Variants in NFAT5 observed in about 807,000 individuals in gnomAD.
The protein encoded by NFAT5 is nuclear factor of activated T cells 5, also known as nuclear factor of activated T-cells 5.
In NFAT5, 31 loss-of-function variants were observed where a neutral mutation model predicts 166.5. The ratio of observed to expected loss-of-function variants is 0.19; its 90% CI spans 0.14 to 0.25. The LOEUF is 0.25. Ranked by LOEUF, NFAT5 falls within the 10% of genes least tolerant of loss-of-function variation. The pLI, the probability that NFAT5 is intolerant of heterozygous loss-of-function variation, is 1.00. For synonymous variants in NFAT5, 612 were observed against 639.7 expected (o/e 0.96, Z 0.65); for missense variants, 1,449 against 1,821.8 (o/e 0.80, Z 3.72).
chr16:69,568,342 A>ATGTGTG (rs1490882720), intron 1 of NFAT5, among the ~76,000 whole-genome samples, 153 bp from the exon 2 acceptor site: 485 of 47,886 alleles, frequency 0.01, 5 homozygotes, highest in Middle Eastern at 0.039. Flanking sequence ...GTGTATATAT[A>ATGTGTG]TATATGTGTG....
intron 11 of NFAT5, 149 bp from the exon 12 acceptor site, chr16:69,690,791 A>G (rs1041619134): frequency 1.7e-5 from 9 of 533,932 alleles, no homozygotes; most frequent in Non-Finnish European, 2.1e-5. Flanking sequence ...GGGAAGATAT[A>G]TCTTAATATA....
intron 2 of NFAT5, among the ~76,000 whole-genome samples, chr16:69,625,065 A>T (rs925802440): frequency 6.6e-6 from 1 of 151,854 alleles, no homozygotes; most frequent in Non-Finnish European, 1.5e-5. Flanking sequence ...ATGCCCAGCT[A>T]ATTTTTTGTA....
In NFAT5 at chr16:69,647,493, T is replaced by C; in HGVS notation, c.719T>C (p.Met240Thr). 5 of 1,611,990 alleles carry C rather than the reference T, an allele frequency of 3.1e-6. No homozygotes were observed. Among genetic ancestry groups the C allele is most frequent in the Non-Finnish European group, 4.2e-6 (5 of 1,180,004 alleles). Residue 240 changes from methionine (M) to threonine (T), a missense_variant, in exon 4 of 15, where the codon ATG (methionine) becomes ACG (threonine). Around this residue, in one of 7 missense-constraint regions of NFAT5, gnomAD observed 115 missense variants for 177.1 expected, o/e 0.65. Transcript: ENST00000349945. The surrounding 1 kb of genome is among the most constrained non-coding windows in gnomAD (Gnocchi z 4.8). ...CGACGAGATTGTGAAGAATCTAATA[T>C]GGATATATTTGATGCCGACAGTGCC... is the stretch of plus-strand genomic sequence containing the variant. ...VKRRDCEESN[M>T]DIFDADSAKA...
At position 69,689,040 on chromosome 16, in the gene NFAT5, T is replaced by C. The variant is rs547550215; in HGVS notation, c.1775-1900T>C. Among the ~76,000 whole-genome samples the C allele has an allele frequency of 2.0e-5, 3 of 152,266 alleles. No homozygotes were observed. The South Asian group carries it at 6.2e-4, about 32-fold the overall frequency. Reference sequence around the variant, plus strand: ...TATAATCCCAGCACTTTGGGCAGCCTAGTAGGGAGGATCACTTGAGCTCAG... The same window carrying C: ...TATAATCCCAGCACTTTGGGCAGCCCAGTAGGGAGGATCACTTGAGCTCAG... On this transcript the variant is annotated intron_variant, in intron 11 of 14. Coordinates refer to ENST00000349945, the MANE Select transcript of NFAT5 (RefSeq NM_138713.4).
intron 2 of NFAT5, among the ~76,000 whole-genome samples, chr16:69,584,119 G>A (rs953459084): frequency 4.6e-5 from 7 of 152,048 alleles, no homozygotes; most frequent in South Asian, 2.1e-4. Context: ...CCAGCTACTC[G>A]GGAGGTTGAG....
At chr16:69,588,980 CTTTTTTTTTT>C (rs945918292) in intron 2 of NFAT5, among the ~76,000 whole-genome samples, 1,761 of 34,340 alleles carry the variant, frequency 0.051, 33 homozygotes, top group African/African-American at 0.14. Context: ...TTTCCTACTT[CTTTTTTTTTT>C]TTTTTTTTTT....
At chr16:69,679,684 A>G (rs1015455303) in intron 10 of NFAT5, among the ~76,000 whole-genome samples, 1 of 152,224 alleles carries the variant, frequency 6.6e-6, no homozygotes, top group Non-Finnish European at 1.5e-5. Flanking sequence ...CATTGGACCA[A>G]AAAGGCAAAG....
intron 7 of NFAT5, among the ~76,000 whole-genome samples, chr16:69,660,214 A>G (rs2036062586): frequency 6.6e-6 from 1 of 152,196 alleles, no homozygotes; most frequent in African/African-American, 2.4e-5. Context: ...TCAGCCCAGG[A>G]GTTTAAGACC....
At chr16:69,581,671 A>G (rs2031701502) in intron 2 of NFAT5, among the ~76,000 whole-genome samples, 2 of 152,188 alleles carry the variant, frequency 1.3e-5, no homozygotes, top group African/African-American at 4.8e-5. Flanking sequence ...GATTTTGAGT[A>G]AATGTCTCTG....
Position 69,641,262 on chromosome 16 carries a change from A to T in NFAT5, c.254-5766A>T, listed in dbSNP as rs535725388. On this transcript the variant is annotated intron_variant, in intron 3 of 14. Transcript: ENST00000349945. ...CACTGCATTCCAGCCTGGGCAACAG[A>T]GTGAGACTCCGTCTCAAAAAAAAAA... Among the ~76,000 whole-genome samples the T allele has an allele frequency of 2.3e-5, 3 of 130,598 alleles. 1 individual carries two copies. The highest frequency in any genetic ancestry group is 8.7e-5 in the African/African-American group (3 of 34,600). 85.7% of individuals were successfully genotyped at this position (130,598 alleles called of 152,430 possible). A position where few individuals can be genotyped will look rare whatever the true frequency, so the allele number is the denominator to read the frequency against.
At chr16:69,633,402 C>T (rs978609825) in intron 3 of NFAT5, among the ~76,000 whole-genome samples, 2 of 152,054 alleles carry the variant, frequency 1.3e-5, no homozygotes, top group Non-Finnish European at 2.9e-5. Flanking sequence ...ATATCACCAA[C>T]AAGATTGAAA....
rs576182612 is a variant in NFAT5 at position 69,624,458 on chromosome 16, C to T, written c.128-1945C>T. Among the ~76,000 whole-genome samples, 10 of 152,272 alleles carry T rather than the reference C, an allele frequency of 6.6e-5. No individual in the cohort carries two copies. The South Asian group carries it at 1.0e-3, about 16-fold the overall frequency. ...CTGACCTCAAGTGATCCTCCCGCCT[C>T]GGCCTCCCAGTGTTGGGATTACAGG... On this transcript the variant is annotated intron_variant, in intron 2 of 14. Transcript: ENST00000349945.
intron 2 of NFAT5, among the ~76,000 whole-genome samples, chr16:69,599,133 A>C (rs777606284): frequency 6.6e-6 from 1 of 152,102 alleles, no homozygotes; most frequent in Non-Finnish European, 1.5e-5. Flanking sequence ...ATGACTGCTA[A>C]TGGGGATGGC....
chr16:69,652,152 A>C (rs543222543), intron 4 of NFAT5, among the ~76,000 whole-genome samples: 1 of 152,300 alleles, frequency 6.6e-6, no homozygotes, highest in South Asian at 2.1e-4. Context: ...GTTAAAAAGC[A>C]TAACTAAAAA....
rs2037893254 is a variant in NFAT5 at position 69,701,227 on chromosome 16, G to A, written c.*4876G>A. On this transcript the variant is annotated 3_prime_UTR_variant, in exon 15 of 15. Coordinates refer to ENST00000349945, the MANE Select transcript of NFAT5 (RefSeq NM_138713.4). ...GGCGTCCCAAAGTGCTAGGATTACA[G>A]GCATGAGCCACCACATCCGGCCTAA... The A allele has an allele frequency of 6.6e-6, 1 of 152,214 alleles. No individual in the cohort carries two copies. The highest frequency in any genetic ancestry group is 2.1e-4 in the South Asian group (1 of 4,812). The allele number at this position is 152,214 out of a possible 1,614,324, so 9.4% of individuals were successfully genotyped here.
At chr16:69,631,142 A>T (rs999407811) in intron 3 of NFAT5, among the ~76,000 whole-genome samples, 1 of 152,248 alleles carries the variant, frequency 6.6e-6, no homozygotes, top group Non-Finnish European at 1.5e-5. Flanking sequence ...TAAACAATGA[A>T]TTAAACTAGG....
At chr16:69,677,473 A>G in intron 10 of NFAT5, 138 bp downstream of exon 10, 2 of 666,720 alleles carry the variant, frequency 3.0e-6, no homozygotes, top group Non-Finnish European at 4.7e-6. Context: ...TGGAAATGAC[A>G]TTATTTTCTA....
intron 2 of NFAT5, among the ~76,000 whole-genome samples, chr16:69,569,288 T>C (rs1205997379): frequency 6.6e-6 from 1 of 151,114 alleles, no homozygotes; most frequent in Non-Finnish European, 1.5e-5. Context: ...ATTTCCCCAT[T>C]GTAGAGAAGA....
chr16:69,566,050 C>CG lies in NFAT5; in HGVS notation c.-252_-251insG, dbSNP rs911084723. 5.8e-6 allele frequency: 3 copies of CG among 518,084 alleles called. No homozygotes were observed. The highest frequency in any genetic ancestry group is 2.3e-5 in the South Asian group (1 of 43,134). 32.1% of individuals were successfully genotyped at this position (518,084 alleles called of 1,614,324 possible). On this transcript the variant is annotated 5_prime_UTR_variant, in exon 1 of 15. Transcript: ENST00000349945. The surrounding 1 kb of genome is among the most constrained non-coding windows in gnomAD (Gnocchi z 5.7). ...ACGAAACGGACCCTTTGGCTCTCCC[C>CG]CTTCCCCTTCCCCGTCCTGAACCCC... is the stretch of plus-strand genomic sequence containing the variant.
Sources: allele counts gnomAD v4.1 joint callset (sites outside exome capture counted in the v4.1 genomes callset), GRCh38; gene constraint gnomAD v4.1.1; regional missense constraint gnomAD v4.1.1; non-coding constraint Gnocchi (gnomAD v3.1); transcripts MANE v1.5; gene names NCBI Gene and HGNC (gene_info 2026-07-23, HGNC 2026-07-21).